Variants in PRMT8 observed in about 807,000 individuals in gnomAD.
The protein encoded by PRMT8 is protein arginine methyltransferase 8.
Under a neutral mutation model 47.1 loss-of-function variants are expected in PRMT8, and 7 were observed. The observed-to-expected ratio is 0.15, with a 90% CI of 0.08 to 0.28. PRMT8 has a LOEUF of 0.28. Among genes scored for constraint, PRMT8 ranks in the 10% least tolerant of loss-of-function variants. The pLI is 1.00. For missense variants in PRMT8, 237 were observed against 505.4 expected, an observed-to-expected ratio of 0.47 and a Z score of 5.09; for synonymous variants, 188 against 186.5, an observed-to-expected ratio of 1.01 and a Z score of -0.07.
At chr12:3,471,896 C>T (rs1011288973) in intron 1 of PRMT8, among the ~76,000 whole-genome samples, 1 of 151,862 alleles carries the variant, frequency 6.6e-6, no homozygotes, top group Admixed American at 6.6e-5. Context: ...GCTTTCTCTG[C>T]TTACATTGAT....
chr12:3,390,884 A>G (rs1451724183), intron 1 of PRMT8, among the ~76,000 whole-genome samples: 1 of 152,322 alleles, frequency 6.6e-6, no homozygotes, highest in East Asian at 1.9e-4. Context: ...CCTAGCACAT[A>G]GTAGACGCAT....
intron 1 of PRMT8, among the ~76,000 whole-genome samples, chr12:3,483,622 C>G (rs1865295283): frequency 6.6e-6 from 1 of 152,184 alleles, no homozygotes; most frequent in South Asian, 2.1e-4. Context: ...CTCCAGCAAC[C>G]TGGCCCCCTG....
intron 1 of PRMT8, among the ~76,000 whole-genome samples, chr12:3,422,104 C>G (rs541814099): frequency 1.3e-5 from 2 of 152,242 alleles, no homozygotes; most frequent in Non-Finnish European, 2.9e-5. Context: ...AGTTATGGAG[C>G]AGTCCAGCAG....
At chr12:3,404,286 CA>C (rs1296394550) in intron 1 of PRMT8, among the ~76,000 whole-genome samples, 1 of 152,156 alleles carries the variant, frequency 6.6e-6, no homozygotes, top group Non-Finnish European at 1.5e-5. Context: ...TAGCTTCCTT[CA>C]ATGTGCTGTT....
chr12:3,547,133 A>T (rs1866340129), intron 2 of PRMT8, among the ~76,000 whole-genome samples: 1 of 152,228 alleles, frequency 6.6e-6, no homozygotes, highest in South Asian at 2.1e-4. Context: ...CTGATAAAAG[A>T]CATTTATAGA....
At chr12:3,547,846 C>G (rs1358737457) in intron 2 of PRMT8, among the ~76,000 whole-genome samples, 2 of 152,200 alleles carry the variant, frequency 1.3e-5, no homozygotes, top group Admixed American at 6.5e-5. Context: ...CCAAATTGAT[C>G]TATAGATTTA....
intron 1 of PRMT8, among the ~76,000 whole-genome samples, chr12:3,442,685 G>T (rs1029790966): frequency 1.3e-5 from 2 of 152,168 alleles, no homozygotes; most frequent in African/African-American, 4.8e-5. Context: ...TTCAGATAGA[G>T]TCTCACTCTG....
Position 3,593,460 on chromosome 12 carries a change from C to T in PRMT8, c.*278C>T, listed in dbSNP as rs971543390. 10 of 433,890 alleles carry T rather than the reference C, an allele frequency of 2.3e-5. No individual in the cohort carries two copies. Among genetic ancestry groups the T allele is most frequent in the Admixed American group, 2.2e-4 (5 of 23,154 alleles). The allele number at this position is 433,890 out of a possible 1,614,324, so 26.9% of individuals were successfully genotyped here. On this transcript the variant is annotated 3_prime_UTR_variant, in exon 10 of 10. Transcript: ENST00000382622. The surrounding 1 kb of genome is among the most constrained non-coding windows in gnomAD (Gnocchi z 4.8). ...TGTGGCTGGGCCCCGAGGGTGGAAA[C>T]GTATTCGCGTCTCCCCGTCTCCTCC...
chr12:3,549,885 C>G, intron 2 of PRMT8, 51 bp from the exon 3 acceptor site: 1 of 1,601,850 alleles, frequency 6.2e-7, no homozygotes, highest in Non-Finnish European at 8.5e-7. Context: ...ATGGTGTACA[C>G]CCAGGTGTCT....
At chr12:3,491,885 TGTGTTGGTGGGGGG>T (rs1865414477) in intron 1 of PRMT8, among the ~76,000 whole-genome samples, 185 bp downstream of exon 1, 1 of 58,286 alleles carries the variant, frequency 1.7e-5, no homozygotes, top group Non-Finnish European at 3.3e-5. Flanking sequence ...TGTGTGTGTG[TGTGTTGGTGGGGGG>T]TGGGGGGGAA....
At position 3,387,385 on chromosome 12, in the gene PRMT8, C is replaced by T. The variant is rs1241607045; in HGVS notation, c.48+5943C>T. Reference sequence around the variant, plus strand: ...CAGCTCCTGAGAGGAATTTGATTTCCTTATTATGTGTATACTTTATCATCC... The same window carrying T: ...CAGCTCCTGAGAGGAATTTGATTTCTTTATTATGTGTATACTTTATCATCC... On this transcript the variant is annotated intron_variant, in intron 1 of 9. Coordinates refer to the PRMT8 transcript ENST00000452611. Among the ~76,000 whole-genome samples the T allele has an allele frequency of 2.6e-5, 4 of 152,164 alleles. No individual in the cohort carries two copies. In the East Asian group the frequency reaches 7.7e-4, roughly 29 times the overall value.
intron 1 of PRMT8, among the ~76,000 whole-genome samples, chr12:3,474,192 A>G (rs766557145): frequency 6.6e-6 from 1 of 152,124 alleles, no homozygotes; most frequent in Non-Finnish European, 1.5e-5. Context: ...GTCCCTTCAC[A>G]TCACACGGTG....
chr12:3,565,318 C>G lies in PRMT8; in HGVS notation c.482-3388C>G, dbSNP rs568484225. ...AGAGGAGATGTTTGATTGAGATTAG[C>G]TGTCACCTGGAACAAGAGCGTAAGT... On this transcript the variant is annotated intron_variant, in intron 4 of 9. Transcript: ENST00000382622. Among the ~76,000 whole-genome samples the G allele has an allele frequency of 8.8e-4, 134 of 152,106 alleles. 1 individual carries two copies. Among genetic ancestry groups the G allele is most frequent in the South Asian group, 8.3e-3 (40 of 4,804 alleles).
At chr12:3,556,984 C>A (rs1322312174) in intron 4 of PRMT8, among the ~76,000 whole-genome samples, 1 of 152,020 alleles carries the variant, frequency 6.6e-6, no homozygotes, top group East Asian at 1.9e-4. Flanking sequence ...GAGTGTGGGT[C>A]CAGATGGAGG....
intron 1 of PRMT8, among the ~76,000 whole-genome samples, chr12:3,481,027 T>A (rs1865269977): frequency 6.6e-6 from 1 of 152,192 alleles, no homozygotes; most frequent in Admixed American, 6.5e-5. Context: ...GGAGGATGCA[T>A]GTGAGACTGA....
At chr12:3,507,119 T>C (rs1357189639) in intron 1 of PRMT8, among the ~76,000 whole-genome samples, 3 of 125,692 alleles carry the variant, frequency 2.4e-5, no homozygotes, top group African/African-American at 1.1e-4. Context: ...GTGGCCTTTC[T>C]TTTTTTTTTT....
chr12:3,393,337 A>G (rs1864214720), intron 1 of PRMT8, among the ~76,000 whole-genome samples: 1 of 150,046 alleles, frequency 6.7e-6, no homozygotes. Flanking sequence ...TAGGGTTTTT[A>G]TGGTTTTAGG....
At chr12:3,466,064 G>C (rs1399345502) in intron 1 of PRMT8, among the ~76,000 whole-genome samples, 9 of 152,168 alleles carry the variant, frequency 5.9e-5, no homozygotes, top group African/African-American at 2.2e-4. Context: ...TGACCAGAAG[G>C]ATGGACCCTC....
At chr12:3,416,714 C>T (rs557086317) in intron 1 of PRMT8, among the ~76,000 whole-genome samples, 16 of 152,298 alleles carry the variant, frequency 1.1e-4, no homozygotes, top group Non-Finnish European at 1.9e-4. Flanking sequence ...ACTTAGGACC[C>T]TGAGTCAGGA....
Sources: gnomAD v4.1 joint callset for allele counts (sites outside exome capture counted in the v4.1 genomes callset) on GRCh38, gnomAD v4.1.1 for gene constraint, Gnocchi (gnomAD v3.1) non-coding constraint, MANE v1.5 for transcripts, NCBI Gene and HGNC (gene_info 2026-07-23, HGNC 2026-07-21) for gene names.